ZNF143: variants seen among roughly 807,000 people sequenced by gnomAD.
ZNF143 encodes SPH-binding factor.
Under a neutral mutation model 74.1 loss-of-function variants are expected in ZNF143, and 49 were observed. That is an observed-to-expected ratio of 0.66 (90% CI 0.53 to 0.84). ZNF143 has a LOEUF of 0.84. ZNF143 is among the 40% of genes least tolerant of loss of function. The probability of loss-of-function intolerance (pLI) is 0.00; values close to 1 mark genes in which losing one functional copy is unlikely to be tolerated. For synonymous variants in ZNF143, 304 were observed against 282.8 expected, an observed-to-expected ratio of 1.07 and a Z score of -0.75; for missense variants, 637 against 793.4, an observed-to-expected ratio of 0.80 and a Z score of 2.37.
intron 1 of ZNF143, among the ~76,000 whole-genome samples, chr11:9,466,916 C>CAG (rs1307267383): frequency 6.6e-6 from 1 of 151,306 alleles, no homozygotes; most frequent in African/African-American, 2.4e-5. Flanking sequence ...TTTTTTGACA[C>CAG]AGAGTCTCTC....
intron 12 of ZNF143, among the ~76,000 whole-genome samples, chr11:9,509,541 G>A (rs528108234): frequency 6.6e-6 from 1 of 152,286 alleles, no homozygotes; most frequent in African/African-American, 2.4e-5. Flanking sequence ...AACAAAGCAA[G>A]TTGTCTTACA....
At chr11:9,508,350 T>G (rs1490839953) in intron 11 of ZNF143, among the ~76,000 whole-genome samples, 1 of 152,238 alleles carries the variant, frequency 6.6e-6, no homozygotes, top group Non-Finnish European at 1.5e-5. Context: ...AGAGTTAAAC[T>G]GGGCAACATC....
In ZNF143 at chr11:9,512,543, C is replaced by G; in HGVS notation, c.1471C>G (p.Gln491Glu). 1 of 1,614,190 alleles carries G rather than the reference C, an allele frequency of 6.2e-7. No individual in the cohort carries two copies. The highest frequency in any genetic ancestry group is 8.5e-7 in the Non-Finnish European group (1 of 1,180,030). The change falls in exon 13 of 16, where the codon CAA (glutamine) becomes GAA (glutamate). Residue 491 changes from glutamine to glutamate, a missense_variant. By Grantham distance (29) the Gln-to-Glu change is conservative. Around this residue, in one of 2 missense-constraint regions of ZNF143, gnomAD observed 344 missense variants for 485.6 expected, o/e 0.71. Transcript: ENST00000396602. ...VVSTQVATVTQSGLSQQVTLI... is the reference protein window; with the variant it reads ...VVSTQVATVTESGLSQQVTLI... ...TTCTACACAAGTAGCCACAGTAACC[C>G]AATCTGGACTGAGTCAACAAGTTAC...
intron 7 of ZNF143, among the ~76,000 whole-genome samples, chr11:9,481,803 G>A (rs894997311): frequency 6.7e-6 from 1 of 148,706 alleles, no homozygotes; most frequent in African/African-American, 2.5e-5. Flanking sequence ...CAGGAGAATC[G>A]CTTGAACCTG....
intron 7 of ZNF143, among the ~76,000 whole-genome samples, chr11:9,490,971 G>T (rs1192899534): frequency 6.6e-6 from 1 of 152,192 alleles, no homozygotes; most frequent in African/African-American, 2.4e-5. Context: ...GGGCTCACGC[G>T]ATCCTCCCAC....
chr11:9,482,629 A>G (rs939094085), intron 7 of ZNF143, among the ~76,000 whole-genome samples: 2 of 149,522 alleles, frequency 1.3e-5, no homozygotes, highest in African/African-American at 5.0e-5. Flanking sequence ...GTACCAGTAG[A>G]CAAATAGAAG....
chr11:9,473,008 G>A (rs1856674541), intron 3 of ZNF143, among the ~76,000 whole-genome samples: 1 of 151,744 alleles, frequency 6.6e-6, no homozygotes, highest in South Asian at 2.1e-4. Context: ...GGAGAGCAGG[G>A]AGTATGTCTT....
At chr11:9,483,619 T>A (rs1847340133) in intron 7 of ZNF143, among the ~76,000 whole-genome samples, 1 of 150,740 alleles carries the variant, frequency 6.6e-6, no homozygotes, top group Admixed American at 6.6e-5. Flanking sequence ...TTATTTATTT[T>A]TTGAGACTGA....
chr11:9,482,755 A>G (rs897390999), intron 7 of ZNF143, among the ~76,000 whole-genome samples: 3 of 151,106 alleles, frequency 2.0e-5, no homozygotes, highest in African/African-American at 7.4e-5. Flanking sequence ...GCCACTAGCC[A>G]TATGTGGCTG....
At chr11:9,513,036 C>T (rs937385472) in intron 13 of ZNF143, among the ~76,000 whole-genome samples, 3 of 152,140 alleles carry the variant, frequency 2.0e-5, no homozygotes, top group African/African-American at 4.8e-5. Flanking sequence ...CTCACAGAGT[C>T]GGTAGAATAG....
At chr11:9,476,984 G>A (rs1378080208) in intron 5 of ZNF143, among the ~76,000 whole-genome samples, 4 of 149,308 alleles carry the variant, frequency 2.7e-5, no homozygotes, top group African/African-American at 4.9e-5. Flanking sequence ...GGATGGTCTC[G>A]GTCTCCTGAC....
intron 7 of ZNF143, among the ~76,000 whole-genome samples, chr11:9,484,815 T>TTTTTTTTTTTTTTTTTTTTTA (rs59421396): frequency 7.3e-6 from 1 of 136,350 alleles, no homozygotes; most frequent in Admixed American, 7.4e-5. Context: ...TTTTTTTTTT[T>TTTTTTTTTTTTTTTTTTTTTA]GAGACGGAGT....
At chr11:9,512,938 G>T (rs1417015550) in intron 13 of ZNF143, among the ~76,000 whole-genome samples, 1 of 152,278 alleles carries the variant, frequency 6.6e-6, no homozygotes, top group South Asian at 2.1e-4. Flanking sequence ...CAGGAGGTGA[G>T]ATTGAGAAAA....
chr11:9,503,469 A>G (rs993669083), intron 11 of ZNF143, among the ~76,000 whole-genome samples: 1 of 152,158 alleles, frequency 6.6e-6, no homozygotes, highest in African/African-American at 2.4e-5. Flanking sequence ...TTACAGTCTC[A>G]TCAGCAATGG....
intron 7 of ZNF143, among the ~76,000 whole-genome samples, chr11:9,487,495 C>T (rs1316703943): frequency 6.6e-6 from 1 of 151,054 alleles, no homozygotes; most frequent in Non-Finnish European, 1.5e-5. Flanking sequence ...GTAGCTGGGA[C>T]TACAGGCGCC....
chr11:9,471,362 A>C lies in ZNF143; in HGVS notation c.54A>C (p.Gly18=). The change falls in exon 2 of 16, where the codon GGA becomes GGC. Residue 18 remains glycine (G), a synonymous_variant. Coordinates refer to ENST00000396602, the MANE Select transcript of ZNF143 (RefSeq NM_003442.6). ...CTCAGGGAATGACAGAGTTTCCTGG[A>C]GGAGGGATGGAGGCGCAACATGTTA... ...RDSQGMTEFP[G]GGMEAQHVTL... is the part of the protein sequence containing the mutation. 6.2e-7 allele frequency: 1 copy of C among 1,612,642 alleles called. No homozygotes were observed. The highest frequency in any genetic ancestry group is 8.5e-7 in the Non-Finnish European group (1 of 1,179,496).
At chr11:9,522,231 C>T (rs982300997) in intron 14 of ZNF143, among the ~76,000 whole-genome samples, 2 of 152,040 alleles carry the variant, frequency 1.3e-5, no homozygotes, top group Non-Finnish European at 2.9e-5. Context: ...GGACTGGGCG[C>T]AGTGGCTCAC....
chr11:9,468,230 G>GT (rs943845582), intron 1 of ZNF143, among the ~76,000 whole-genome samples: 3 of 152,178 alleles, frequency 2.0e-5, no homozygotes, highest in Admixed American at 2.0e-4. Flanking sequence ...TAAGAGAGGT[G>GT]TTTTTTGTTC....
intron 12 of ZNF143, 71 bp downstream of exon 12, chr11:9,508,917 C>A: frequency 6.9e-7 from 1 of 1,443,850 alleles, no homozygotes; most frequent in Non-Finnish European, 9.5e-7. Context: ...ATTTATGATT[C>A]ATAGCATTTT....
Sources: gnomAD v4.1 joint callset for allele counts (sites outside exome capture counted in the v4.1 genomes callset) on GRCh38, gnomAD v4.1.1 for gene constraint, gnomAD v4.1.1 regional missense constraint, MANE v1.5 for transcripts, NCBI Gene and HGNC (gene_info 2026-07-23, HGNC 2026-07-21) for gene names.